The following TTF1 variants were observed in gnomAD, a reference collection of about 807,000 sequenced individuals.
The protein encoded by TTF1 is transcription termination factor, RNA polymerase I.
A neutral mutation model predicts 80.2 loss-of-function variants in TTF1; 64 were observed. That is an observed-to-expected ratio of 0.80 (90% CI 0.65 to 0.98). TTF1 has a LOEUF of 0.98. Among genes scored for constraint, TTF1 ranks in the 50% least tolerant of loss-of-function variants. The pLI is 0.00. For synonymous variants in TTF1, 372 were observed against 382.7 expected (o/e 0.97, Z 0.33); for missense variants, 1,023 against 1,086.2 (o/e 0.94, Z 0.82).
intron 2 of TTF1, 78 bp from the exon 3 acceptor site, chr9:132,400,336 T>C (rs937029035): frequency 2.6e-5 from 33 of 1,248,678 alleles, no homozygotes; most frequent in African/African-American, 7.4e-5. Context: ...TCCTTCTTTT[T>C]TTTCGTGAGA....
intron 7 of TTF1, among the ~76,000 whole-genome samples, chr9:132,389,581 A>G (rs1849525901): frequency 6.6e-6 from 1 of 152,202 alleles, no homozygotes; most frequent in Admixed American, 6.5e-5. Flanking sequence ...GTTGTAAGGT[A>G]TATAAACAGT....
Position 132,388,214 on chromosome 9 carries a change from G to A in TTF1, c.2237C>T (p.Thr746Ile), listed in dbSNP as rs1377703779. 3 of 1,608,914 alleles carry A rather than the reference G, an allele frequency of 1.9e-6. No individual in the cohort carries two copies. Among genetic ancestry groups the A allele is most frequent in the Non-Finnish European group, 2.5e-6 (3 of 1,176,966 alleles). Reference sequence around the variant, plus strand: ...ACGCCGACCATTAGTCATCCTCTTGGTTAGAATTTCTGTCCTACATTAAAA... The same window carrying A: ...ACGCCGACCATTAGTCATCCTCTTGATTAGAATTTCTGTCCTACATTAAAA... ...QCKSKWTEIL[T>I]KRMTNGRRIY... Residue 746 changes from threonine (T) to isoleucine (I), a missense_variant, in exon 8 of 11, where the codon ACC becomes ATC. Transcript: ENST00000334270.
intron 10 of TTF1, among the ~76,000 whole-genome samples, chr9:132,377,391 TGGTGTGAGTGCATGTG>T (rs1849216129): frequency 8.1e-6 from 1 of 123,852 alleles, no homozygotes; most frequent in African/African-American, 3.4e-5. Context: ...TGAGTGCATG[TGGTGTGAGTGCATGTG>T]GTGTGTGTGA....
At chr9:132,389,141 T>G (rs1170332361) in intron 7 of TTF1, among the ~76,000 whole-genome samples, 2 of 152,046 alleles carry the variant, frequency 1.3e-5, no homozygotes, top group Admixed American at 6.6e-5. Flanking sequence ...CTTTTAACAT[T>G]GGTATGTCAT....
intron 9 of TTF1, among the ~76,000 whole-genome samples, chr9:132,382,541 G>A (rs570705446): frequency 3.9e-5 from 6 of 152,298 alleles, no homozygotes; most frequent in Admixed American, 3.9e-4. Flanking sequence ...TACCAGACAA[G>A]TGCCAACTGC....
At chr9:132,402,869 T>A in intron 1 of TTF1, 41 bp from the exon 2 acceptor site, 2 of 1,523,944 alleles carry the variant, frequency 1.3e-6, no homozygotes. Flanking sequence ...TTTTGCTTTT[T>A]TTTTGAGACG....
chr9:132,398,370 A>G (rs768525233), intron 3 of TTF1, 44 bp from the exon 4 acceptor site: 1 of 1,416,948 alleles, frequency 7.1e-7, no homozygotes, highest in South Asian at 1.2e-5. Flanking sequence ...ATTGTTAATA[A>G]TGACAAAAGC....
chr9:132,378,235 TGTG>T (rs1218935425), intron 10 of TTF1, among the ~76,000 whole-genome samples: 1 of 115,974 alleles, frequency 8.6e-6, no homozygotes, highest in South Asian at 3.0e-4. Flanking sequence ...AGTGCATGCA[TGTG>T]GTGTGAGTGC....
chr9:132,377,953 AGTGCATGTGGTGTGT>A (rs1849259891), intron 10 of TTF1, among the ~76,000 whole-genome samples: 1 of 84,484 alleles, frequency 1.2e-5, no homozygotes, highest in African/African-American at 4.9e-5. Flanking sequence ...ATGTGGTGTG[AGTGCATGTGGTGTGT>A]GTGAGTGCAT....
Position 132,402,153 on chromosome 9 carries a change from CTT to C in TTF1, c.667_668del (p.Lys223GlufsTer5), listed in dbSNP as rs765042099. ...SAHKNKSKKK[K>X]KKSSNREYET... ...CATATTCCCGGTTACTGGACTTTTTCTTTTTTTTCTTAGACTTGTTTTTATGA... is the reference window on the plus strand; with the variant it reads ...CATATTCCCGGTTACTGGACTTTTTCTTTTTTCTTAGACTTGTTTTTATGA... On this transcript the variant is annotated frameshift_variant, in exon 2 of 11. Coordinates refer to ENST00000334270, the MANE Select transcript of TTF1 (RefSeq NM_007344.4). LOFTEE classifies it high-confidence loss of function. 13 of 1,613,874 alleles carry C rather than the reference CTT, an allele frequency of 8.1e-6. No homozygotes were observed. The highest frequency in any genetic ancestry group is 1.1e-5 in the Non-Finnish European group (13 of 1,179,978).
chr9:132,398,469 C>G, intron 3 of TTF1, 143 bp from the exon 4 acceptor site: 1 of 778,088 alleles, frequency 1.3e-6, no homozygotes, highest in Non-Finnish European at 2.0e-6. Flanking sequence ...CCCGCACTTG[C>G]AGATTTGGCC....
chr9:132,401,999 A>C lies in TTF1; in HGVS notation c.823T>G (p.Ser275Ala). 6.2e-7 allele frequency: 1 copy of C among 1,610,986 alleles called. No individual in the cohort carries two copies. Among genetic ancestry groups the C allele is most frequent in the Non-Finnish European group, 8.5e-7 (1 of 1,179,350 alleles). ...GACTTTTTCTTCTTTTTTTTCTTAG[A>C]CTTTTTTTTGTGAGTAGGTCCTAGT... ...QLLGPTHKKK[S>A]KKKKKKKSNH... The change falls in exon 2 of 11, where the codon TCT (serine) becomes GCT (alanine). Residue 275 changes from serine (S) to alanine (A), a missense_variant. Coordinates refer to ENST00000334270, the MANE Select transcript of TTF1 (RefSeq NM_007344.4).
rs1849690336 is a variant in TTF1, at chr9:132,398,176, T to C, written c.1742A>G (p.Asn581Ser). The change falls in exon 4 of 11, where the codon AAC becomes AGC. Residue 581 changes from asparagine (N) to serine (S), a missense_variant. Coordinates refer to ENST00000334270, the MANE Select transcript of TTF1 (RefSeq NM_007344.4). ...TCTAAACGAGTATCTCCTTTTTAAG[T>C]TGGTGATCACAGATTTTTCCTCAGG... ...RYPEEKSVIT[N>S]LKRRYSFRLH... The C allele has an allele frequency of 6.3e-7, 1 of 1,589,730 alleles. No individual in the cohort carries two copies. Among genetic ancestry groups the C allele is most frequent in the Middle Eastern group, 1.7e-4 (1 of 5,994 alleles).
chr9:132,405,397 G>A (rs1302045067), intron 1 of TTF1, among the ~76,000 whole-genome samples: 1 of 151,936 alleles, frequency 6.6e-6, no homozygotes, highest in African/African-American at 2.4e-5. Context: ...TAGTAGAGAC[G>A]GGGTTTCGCC....
At position 132,400,277 on chromosome 9, in the gene TTF1, G is replaced by C. The variant is rs766594703; in HGVS notation, c.1368-19C>G. On this transcript the variant is annotated intron_variant, in intron 2 of 10. Transcript: ENST00000334270. ...TTCTAACCTAAGGGGTTAGAAAATT[G>C]GGTTGACTAACATTAACACATCACT... 1 of 1,607,278 alleles carries C rather than the reference G, an allele frequency of 6.2e-7. No individual in the cohort carries two copies. Among genetic ancestry groups the C allele is most frequent in the East Asian group, 2.2e-5 (1 of 44,840 alleles).
rs552964531 is a variant in TTF1, at chr9:132,401,328, AAAATAAAT to A, written c.1367+119_1367+126del. Reference sequence around the variant, plus strand: ...ACAATAAGAGCAAATCTCCACCTCAAAAATAAATAAATAAATAAATAAAAATAAAATTA... The same window carrying A: ...ACAATAAGAGCAAATCTCCACCTCAAAAATAAATAAATAAAAATAAAATTA... On this transcript the variant is annotated intron_variant, in intron 2 of 10. Coordinates refer to ENST00000334270, the MANE Select transcript of TTF1 (RefSeq NM_007344.4). 30 of 911,406 alleles carry A rather than the reference AAAATAAAT, an allele frequency of 3.3e-5. 1 individual carries two copies. In the African/African-American group the frequency reaches 4.2e-4, roughly 13 times the overall value. The allele number at this position is 911,406 out of a possible 1,614,324, so 56.5% of individuals were successfully genotyped here. A position where few individuals can be genotyped will look rare whatever the true frequency, so the allele number is the denominator to read the frequency against.
At position 132,396,571 on chromosome 9, in the gene TTF1, A is replaced by T. The variant is rs545345348; in HGVS notation, c.1778-60T>A. On this transcript the variant is annotated intron_variant, in intron 4 of 10. Coordinates refer to ENST00000334270, the MANE Select transcript of TTF1 (RefSeq NM_007344.4). ...CATGAAATGAAGTCGCAATTGTAAA[A>T]GGAACCCAGAACAGCCCTTATAACA... is the stretch of plus-strand genomic sequence containing the variant. The T allele has an allele frequency of 3.5e-6, 5 of 1,447,456 alleles. No homozygotes were observed. The African/African-American group carries it at 7.0e-5, about 20-fold the overall frequency. 89.7% of individuals were successfully genotyped at this position (1,447,456 alleles called of 1,614,324 possible). A position where few individuals can be genotyped will look rare whatever the true frequency, so the allele number is the denominator to read the frequency against.
intron 8 of TTF1, 117 bp from the exon 9 acceptor site, chr9:132,386,738 C>G: frequency 1.3e-6 from 1 of 773,536 alleles, no homozygotes; most frequent in Non-Finnish European, 2.1e-6. Context: ...CATTCCAGCT[C>G]CCTCGTTACA....
intron 10 of TTF1, among the ~76,000 whole-genome samples, chr9:132,378,396 T>G (rs1402467197): frequency 7.0e-5 from 6 of 85,846 alleles, no homozygotes; most frequent in Non-Finnish European, 6.7e-5. Flanking sequence ...AGTGCATGCA[T>G]GTGGTGTGAG....
Sources: allele counts gnomAD v4.1 joint callset (sites outside exome capture counted in the v4.1 genomes callset), GRCh38; gene constraint gnomAD v4.1.1; transcripts MANE v1.5; gene names NCBI Gene and HGNC (gene_info 2026-07-23, HGNC 2026-07-21).